The following REPS2 variants were observed in gnomAD, a reference collection of about 807,000 sequenced individuals.
The protein encoded by REPS2 is ralBP1-associated Eps domain-containing protein 2.
REPS2 carries 23 observed loss-of-function variants against 53.6 expected under a neutral mutation model. The ratio of observed to expected loss-of-function variants is 0.43; its 90% CI spans 0.31 to 0.61. REPS2 has a LOEUF of 0.61. Ranked by LOEUF, REPS2 falls within the 20% of genes least tolerant of loss-of-function variation. The pLI is 0.11. For missense variants in REPS2, 446 were observed against 534.9 expected (o/e 0.83, Z 1.64); for synonymous variants, 238 against 218.6 (o/e 1.09, Z -0.78).
the REPS2 span, among the ~76,000 whole-genome samples, chrX:17,182,132 CTCTATCTG>C: frequency 2.2e-3 from 202 of 90,457 alleles, no homozygotes; most frequent in African/African-American, 6.0e-3. Context: ...ACCTAGTGTG[CTCTATCTG>C]TCTATCTATC....
intron 1 of REPS2, among the ~76,000 whole-genome samples, chrX:16,972,902 G>T (rs1394294324): frequency 1.8e-5 from 2 of 111,674 alleles, no homozygotes; most frequent in Non-Finnish European, 3.8e-5. Context: ...TCTTGGTACA[G>T]TATTATTAAC....
In REPS2 at chrX:17,138,043, A is replaced by C. The variant is rs747048953; in HGVS notation, c.1809-813A>C. On this transcript the variant is annotated intron_variant, in intron 16 of 17. Coordinates refer to ENST00000357277, the MANE Select transcript of REPS2 (RefSeq NM_004726.3). ...AGAACATCAGTTGCTCTTTTGCTCT[A>C]AGAATTCGGTGTTTCTTGCTGTGGG... 6 of 112,568 alleles carry C rather than the reference A, an allele frequency of 5.3e-5. No individual in the cohort carries two copies. In the Admixed American group the frequency reaches 5.6e-4, roughly 11 times the overall value. 9.3% of individuals were successfully genotyped at this position (112,568 alleles called of 1,213,427 possible). A position where few individuals can be genotyped will look rare whatever the true frequency, so the allele number is the denominator to read the frequency against.
chrX:17,050,999 A>C (rs1195451341), intron 6 of REPS2, among the ~76,000 whole-genome samples: 1 of 108,679 alleles, frequency 9.2e-6, no homozygotes, highest in Non-Finnish European at 1.9e-5. Context: ...CCTCGCCCCT[A>C]CTCTCTCCCT....
At chrX:16,953,867 A>G (rs1282454587) in intron 1 of REPS2, among the ~76,000 whole-genome samples, 2 of 112,201 alleles carry the variant, frequency 1.8e-5, no homozygotes, top group East Asian at 2.8e-4. Context: ...GAACACCTTC[A>G]TAGATAGCAG....
At chrX:17,190,457 G>T in the REPS2 span, among the ~76,000 whole-genome samples, 1 of 112,111 alleles carries the variant, frequency 8.9e-6, no homozygotes, top group South Asian at 3.7e-4. Context: ...ACACACTGAA[G>T]AAATAAACCA....
chrX:17,065,647 C>T (rs937367116), intron 9 of REPS2, among the ~76,000 whole-genome samples: 76 of 111,648 alleles, frequency 6.8e-4, no homozygotes, highest in African/African-American at 2.3e-3. Context: ...AGTGCAGTGG[C>T]GTGATCTCAG....
At chrX:17,038,088 A>T (rs186851069) in intron 5 of REPS2, among the ~76,000 whole-genome samples, 1 of 112,466 alleles carries the variant, frequency 8.9e-6, no homozygotes, top group Non-Finnish European at 1.9e-5. Context: ...CCACCATGCC[A>T]GGGGTACACT....
intron 13 of REPS2, chrX:17,100,009 C>G: frequency 8.6e-7 from 1 of 1,162,903 alleles, no homozygotes; most frequent in Non-Finnish European, 1.2e-6. Flanking sequence ...TCTGACTCTT[C>G]TTTCTTCTTC....
the REPS2 span, among the ~76,000 whole-genome samples, chrX:17,192,602 T>G: frequency 8.9e-6 from 1 of 111,827 alleles, no homozygotes; most frequent in Non-Finnish European, 1.9e-5. Flanking sequence ...TCCCTCATAT[T>G]TTTTTGAAAC....
At chrX:17,058,288 A>G (rs2062102751) in intron 8 of REPS2, among the ~76,000 whole-genome samples, 1 of 109,899 alleles carries the variant, frequency 9.1e-6, no homozygotes, top group Non-Finnish European at 1.9e-5. Flanking sequence ...AACCCCATGC[A>G]CTAAAAATAC....
chrX:17,087,493 A>G (rs1360698129), intron 13 of REPS2, among the ~76,000 whole-genome samples: 3 of 112,149 alleles, frequency 2.7e-5, no homozygotes, highest in Non-Finnish European at 5.6e-5. Flanking sequence ...TCTTAGGAGA[A>G]CATCCCATTA....
chrX:17,044,088 C>G (rs1477603297), intron 5 of REPS2, among the ~76,000 whole-genome samples: 1 of 111,944 alleles, frequency 8.9e-6, no homozygotes, highest in Non-Finnish European at 1.9e-5. Context: ...TTAATCACCC[C>G]CTTCTGTTCA....
At chrX:17,188,172 G>T in the REPS2 span, among the ~76,000 whole-genome samples, 1 of 112,247 alleles carries the variant, frequency 8.9e-6, no homozygotes, top group African/African-American at 3.2e-5. Flanking sequence ...GTTGTCATGA[G>T]AACCAAACAT....
chrX:16,952,844 G>T (rs887683153), intron 1 of REPS2, among the ~76,000 whole-genome samples: 5 of 111,415 alleles, frequency 4.5e-5, no homozygotes, highest in African/African-American at 1.3e-4. Context: ...GTAACTAGGG[G>T]CTGGGCAGGG....
chrX:16,968,666 C>T, intron 1 of REPS2, among the ~76,000 whole-genome samples: 1 of 102,142 alleles, frequency 9.8e-6, no homozygotes. Context: ...CCACCTCCCT[C>T]CCAGACGGGG....
intron 1 of REPS2, among the ~76,000 whole-genome samples, chrX:16,988,307 T>A (rs1350584665): frequency 9.0e-6 from 1 of 111,192 alleles, no homozygotes; most frequent in Non-Finnish European, 1.9e-5. Context: ...CCTGTCTCTA[T>A]TTGCAGATGA....
intron 5 of REPS2, among the ~76,000 whole-genome samples, chrX:17,032,720 G>A (rs2061723186): frequency 8.9e-6 from 1 of 112,036 alleles, no homozygotes; most frequent in Admixed American, 9.4e-5. Context: ...TTACAAGGGG[G>A]CATGTCCTCT....
At chrX:16,972,228 T>C (rs1405864746) in intron 1 of REPS2, among the ~76,000 whole-genome samples, 1 of 112,372 alleles carries the variant, frequency 8.9e-6, no homozygotes, top group Admixed American at 9.5e-5. Flanking sequence ...CCAAATGCTG[T>C]TGATGGCATA....
chrX:17,103,685 G>A (rs1382138306), intron 13 of REPS2, 33 bp from the exon 14 acceptor site: 2 of 1,183,608 alleles, frequency 1.7e-6, no homozygotes, highest in South Asian at 1.8e-5. Flanking sequence ...TTTTTGGGGG[G>A]TGATCCTTAA....
Sources: allele counts gnomAD v4.1 joint callset (sites outside exome capture counted in the v4.1 genomes callset), GRCh38; gene constraint gnomAD v4.1.1; transcripts MANE v1.5; gene names NCBI Gene and HGNC (gene_info 2026-07-23, HGNC 2026-07-21).